Variants in PDE9A observed in about 807,000 individuals in gnomAD.
PDE9A encodes phosphodiesterase 9A.
In PDE9A, 60 loss-of-function variants were observed where a neutral mutation model predicts 87.4. The observed-to-expected ratio is 0.69, with a 90% CI of 0.56 to 0.85. The LOEUF (loss-of-function observed/expected upper bound fraction) is 0.85. Among genes scored for constraint, PDE9A ranks in the 40% least tolerant of loss-of-function variants. The pLI, the probability that PDE9A is intolerant of heterozygous loss-of-function variation, is 0.00. For synonymous variants in PDE9A, 272 were observed against 279.4 expected, an observed-to-expected ratio of 0.97 and a Z score of 0.27; for missense variants, 665 against 779.0, an observed-to-expected ratio of 0.85 and a Z score of 1.74.
At chr21:42,740,763 A>AG (rs2053154004) in intron 7 of PDE9A, among the ~76,000 whole-genome samples, 3 of 145,260 alleles carry the variant, frequency 2.1e-5, no homozygotes, top group African/African-American at 7.9e-5. Flanking sequence ...CAGGATAGAT[A>AG]GATAGATAGA....
intron 7 of PDE9A, chr21:42,733,760 A>T: frequency 3.1e-6 from 1 of 321,898 alleles, no homozygotes; most frequent in Non-Finnish European, 5.8e-6. Flanking sequence ...GTAAATGAAG[A>T]CATTCTCTGC....
In PDE9A at chr21:42,705,767, G is replaced by A. The variant is rs1460821477; in HGVS notation, c.262+6756G>A. Among the ~76,000 whole-genome samples, 3 of 152,120 alleles carry A rather than the reference G, an allele frequency of 2.0e-5. No homozygotes were observed. The highest frequency in any genetic ancestry group is 1.3e-4 in the Admixed American group (2 of 15,276). On this transcript the variant is annotated intron_variant, in intron 4 of 19. Transcript: ENST00000291539. The surrounding 1 kb of genome is among the most constrained non-coding windows in gnomAD (Gnocchi z 4.3). Reference sequence around the variant, plus strand: ...TGACAGCCTCTTCAACTAGGACAGTGCTGTAGGGGTCTGGTTCTGCTTGTT... The same window carrying A: ...TGACAGCCTCTTCAACTAGGACAGTACTGTAGGGGTCTGGTTCTGCTTGTT...
intron 4 of PDE9A, among the ~76,000 whole-genome samples, chr21:42,729,274 G>A (rs1602310795): frequency 6.6e-6 from 1 of 152,156 alleles, no homozygotes; most frequent in Non-Finnish European, 1.5e-5. Flanking sequence ...AGAGTTATGT[G>A]TGTAGAGGCA....
chr21:42,663,063 CTT>C (rs955357677), intron 1 of PDE9A, among the ~76,000 whole-genome samples: 11 of 125,068 alleles, frequency 8.8e-5, no homozygotes, highest in African/African-American at 4.1e-4. Flanking sequence ...ACACACCACA[CTT>C]ACACACATGC....
At chr21:42,763,529 C>A (rs996653507) in intron 14 of PDE9A, among the ~76,000 whole-genome samples, 16 of 152,312 alleles carry the variant, frequency 1.1e-4, no homozygotes, top group African/African-American at 3.8e-4. Flanking sequence ...CCCCTGGAGT[C>A]TTCTTTGAGA....
At chr21:42,706,502 G>A (rs1308323855) in intron 4 of PDE9A, among the ~76,000 whole-genome samples, 21 of 151,968 alleles carry the variant, frequency 1.4e-4, no homozygotes, top group African/African-American at 4.4e-4. Context: ...AAAATTAGCC[G>A]GGTGTGGTGG....
At chr21:42,666,148 A>G (rs73379629) in intron 1 of PDE9A, among the ~76,000 whole-genome samples, 8,514 of 151,980 alleles carry the variant, frequency 0.056, 673 homozygotes, top group African/African-American at 0.17. Context: ...CACAACCGAG[A>G]GGGCGTGGTC....
chr21:42,711,263 T>TG (rs1049053057), intron 4 of PDE9A, among the ~76,000 whole-genome samples: 4 of 151,702 alleles, frequency 2.6e-5, no homozygotes, highest in Non-Finnish European at 5.9e-5. Flanking sequence ...GTTTTGTTTT[T>TG]TTTTTTTTTT....
At chr21:42,773,962 G>T (rs574973924) in intron 19 of PDE9A, among the ~76,000 whole-genome samples, 1 of 151,566 alleles carries the variant, frequency 6.6e-6, no homozygotes, top group Non-Finnish European at 1.5e-5. Flanking sequence ...AAAATTAGCC[G>T]GGCGTGGTGG....
chr21:42,756,703 A>C (rs1322368825), intron 10 of PDE9A: 2 of 152,548 alleles, frequency 1.3e-5, no homozygotes, highest in Non-Finnish European at 2.9e-5. Context: ...CAGAGCTGGA[A>C]GGCTGCAGGA....
At chr21:42,687,539 C>T (rs924422134) in intron 2 of PDE9A, among the ~76,000 whole-genome samples, 6 of 152,098 alleles carry the variant, frequency 3.9e-5, no homozygotes, top group Non-Finnish European at 1.5e-5. Context: ...GCAGTTCAGA[C>T]GGACTCCCAA....
intron 1 of PDE9A, among the ~76,000 whole-genome samples, chr21:42,680,619 C>A (rs924530962): frequency 2.6e-5 from 4 of 152,254 alleles, no homozygotes; most frequent in African/African-American, 4.8e-5. Context: ...TGGGCCATGG[C>A]CCGTACCAAC....
intron 16 of PDE9A, 156 bp from the exon 17 acceptor site, chr21:42,768,871 A>G (rs2056642176): frequency 1.0e-6 from 1 of 984,836 alleles, no homozygotes; most frequent in Admixed American, 6.1e-5. Flanking sequence ...AGCACTGAAG[A>G]TAGGGTCACC....
At chr21:42,729,748 C>T (rs1036932583) in intron 4 of PDE9A, among the ~76,000 whole-genome samples, 12 of 152,176 alleles carry the variant, frequency 7.9e-5, no homozygotes, top group African/African-American at 1.2e-4. Context: ...CTTGAGACTT[C>T]CTCTTTGACC....
chr21:42,670,228 C>CAT lies in PDE9A; in HGVS notation c.70-15964_70-15963insAT, dbSNP rs76270638. Reference sequence around the variant, plus strand: ...ATACACTTACATTCACACACATACACTTACATTCACACTCATACACATACA... The same window carrying CAT: ...ATACACTTACATTCACACACATACACATTTACATTCACACTCATACACATACA... On this transcript the variant is annotated intron_variant, in intron 1 of 19. Coordinates refer to ENST00000291539, the MANE Select transcript of PDE9A (RefSeq NM_002606.3). 2.7e-5 allele frequency among the ~76,000 whole-genome samples: 4 copies of CAT among 150,634 alleles called. No individual in the cohort carries two copies. In the East Asian group the frequency reaches 5.9e-4, roughly 22 times the overall value.
chr21:42,674,546 C>G (rs966280265), intron 1 of PDE9A, among the ~76,000 whole-genome samples: 1 of 152,102 alleles, frequency 6.6e-6, no homozygotes, highest in African/African-American at 2.4e-5. Context: ...GCTCCGCCTA[C>G]GCGCCTGTAG....
At chr21:42,707,998 A>C (rs567341103) in intron 4 of PDE9A, among the ~76,000 whole-genome samples, 3 of 152,136 alleles carry the variant, frequency 2.0e-5, no homozygotes, top group Admixed American at 2.0e-4. Context: ...GTCTAAAACA[A>C]AAGGCGGAGG....
At chr21:42,734,313 A>G (rs922567435) in intron 7 of PDE9A, 3 of 152,242 alleles carry the variant, frequency 2.0e-5, no homozygotes, top group African/African-American at 7.2e-5. Context: ...TCTGGGAAGA[A>G]AACAGCTTCA....
intron 1 of PDE9A, among the ~76,000 whole-genome samples, chr21:42,655,014 C>G (rs1044259877): frequency 1.3e-5 from 2 of 152,210 alleles, no homozygotes; most frequent in African/African-American, 4.8e-5. Flanking sequence ...GACTAGGCGT[C>G]TGCAATTGCA....
Sources: allele counts gnomAD v4.1 joint callset (sites outside exome capture counted in the v4.1 genomes callset), GRCh38; gene constraint gnomAD v4.1.1; non-coding constraint Gnocchi (gnomAD v3.1); transcripts MANE v1.5; gene names NCBI Gene and HGNC (gene_info 2026-07-23, HGNC 2026-07-21).